Variants in DLG2 observed in about 807,000 individuals in gnomAD.
DLG2 encodes the protein disks large homolog 2.
A neutral mutation model predicts 132.5 loss-of-function variants in DLG2; 45 were observed. That is an observed-to-expected ratio of 0.34 (90% CI 0.27 to 0.44). The LOEUF is 0.44. Among genes scored for constraint, DLG2 ranks in the 20% least tolerant of loss-of-function variants. The pLI, the probability that DLG2 is intolerant of heterozygous loss-of-function variation, is 1.00. For synonymous variants in DLG2, 424 were observed against 419.6 expected (o/e 1.01, Z -0.13); for missense variants, 1,045 against 1,196.9 (o/e 0.87, Z 1.87).
intron 3 of DLG2, among the ~76,000 whole-genome samples, chr11:85,563,162 C>G (rs191655726): frequency 1.3e-5 from 2 of 151,838 alleles, no homozygotes; most frequent in East Asian, 3.9e-4. Context: ...TAAACTTGAG[C>G]AAGCAGCTTT....
intron 6 of DLG2, among the ~76,000 whole-genome samples, chr11:84,681,883 C>T (rs2099731041): frequency 6.6e-6 from 1 of 151,534 alleles, no homozygotes; most frequent in Non-Finnish European, 1.5e-5. Context: ...GACTTTGATG[C>T]AGAACATTTA....
chr11:83,592,682 A>G (rs1292152873), intron 19 of DLG2, among the ~76,000 whole-genome samples: 2 of 149,522 alleles, frequency 1.3e-5, no homozygotes, highest in Non-Finnish European at 3.0e-5. Flanking sequence ...ACAGCAAAAG[A>G]AACTACCATC....
intron 3 of DLG2, among the ~76,000 whole-genome samples, chr11:85,401,345 A>T (rs574996368): frequency 1.3e-5 from 2 of 152,308 alleles, no homozygotes; most frequent in South Asian, 4.1e-4. Flanking sequence ...ATCTCAAAAT[A>T]ATAAGAGTTA....
chr11:83,552,369 G>T (rs35143095), intron 19 of DLG2, among the ~76,000 whole-genome samples: 7,093 of 152,210 alleles, frequency 0.047, 208 homozygotes, highest in South Asian at 0.12. Context: ...AGGAAAGAGT[G>T]ATCTCAGAGG....
Position 83,790,739 on chromosome 11 carries a change from A to T in DLG2, c.1723-3947T>A, listed in dbSNP as rs1401161974. 5.2e-6 allele frequency: 4 copies of T among 771,166 alleles called. No homozygotes were observed. The East Asian group carries it at 9.7e-5, about 19-fold the overall frequency. The allele number at this position is 771,166 out of a possible 1,614,324, so 47.8% of individuals were successfully genotyped here. A position where few individuals can be genotyped will look rare whatever the true frequency, so the allele number is the denominator to read the frequency against. ...ACAACCCATTCATGGACTGATCCAC[A>T]AAGATCTCTGGGGCAACAACTAGGT... is the stretch of plus-strand genomic sequence containing the variant. On this transcript the variant is annotated intron_variant, in intron 17 of 27. Coordinates refer to ENST00000376104, the MANE Select transcript of DLG2 (RefSeq NM_001142699.3).
chr11:84,714,595 T>TTCTCTTTC lies in DLG2; in HGVS notation c.358-179865_358-179864insGAAAGAGA, dbSNP rs1351118874. Among the ~76,000 whole-genome samples, 40 of 103,912 alleles carry TTCTCTTTC rather than the reference T, an allele frequency of 3.8e-4. 3 individuals carry two copies. Among genetic ancestry groups the TTCTCTTTC allele is most frequent in the East Asian group, 1.5e-3 (4 of 2,654 alleles). The allele number at this position is 103,912 out of a possible 152,430, so 68.2% of individuals were successfully genotyped here. ...TTTCTCTTTCTCTTTCTCTTTCTCT[T>TTCTCTTTC]TCTTTCTCTTTCTCTTTCTCTTTCT... On this transcript the variant is annotated intron_variant, in intron 6 of 27. Coordinates refer to ENST00000376104, the MANE Select transcript of DLG2 (RefSeq NM_001142699.3).
At chr11:83,543,018 T>G (rs2096125154) in intron 19 of DLG2, among the ~76,000 whole-genome samples, 1 of 152,194 alleles carries the variant, frequency 6.6e-6, no homozygotes, top group African/African-American at 2.4e-5. Flanking sequence ...CTTCTTTTTT[T>G]TGCCCATCAA....
intron 4 of DLG2, among the ~76,000 whole-genome samples, chr11:85,278,329 A>G (rs2078019518): frequency 6.6e-6 from 1 of 152,204 alleles, no homozygotes; most frequent in East Asian, 1.9e-4. Context: ...ATCTACCATC[A>G]TGGGTTGCTA....
chr11:83,559,060 A>G (rs984795753), intron 19 of DLG2, among the ~76,000 whole-genome samples: 4 of 152,188 alleles, frequency 2.6e-5, no homozygotes, highest in Admixed American at 6.5e-5. Flanking sequence ...ATGGGGAACC[A>G]GACAAGGCTT....
At position 83,934,813 on chromosome 11, in the gene DLG2, C is replaced by T. The variant is rs554557153; in HGVS notation, c.1341-4330G>A. On this transcript the variant is annotated intron_variant, in intron 14 of 27. Transcript: ENST00000376104. ...GACCAAATCTCATGTGTCTTTGTTT[C>T]CCCATTACTTTCCTCAATGCAAGAA... 1.9e-4 allele frequency among the ~76,000 whole-genome samples: 29 copies of T among 152,228 alleles called. 1 individual carries two copies. Among genetic ancestry groups the T allele is most frequent in the Admixed American group, 9.8e-4 (15 of 15,292 alleles).
intron 8 of DLG2, among the ~76,000 whole-genome samples, chr11:84,166,673 T>C (rs186630136): frequency 2.6e-5 from 4 of 152,278 alleles, no homozygotes; most frequent in African/African-American, 9.6e-5. Context: ...CTACAGTGGT[T>C]GCTTACTGAG....
chr11:84,761,097 T>A (rs2067567676), intron 6 of DLG2, among the ~76,000 whole-genome samples: 1 of 152,134 alleles, frequency 6.6e-6, no homozygotes, highest in Non-Finnish European at 1.5e-5. Flanking sequence ...CTGATTAACA[T>A]ACAAGGTGTC....
intron 21 of DLG2, among the ~76,000 whole-genome samples, chr11:83,523,689 GA>G (rs2095538423): frequency 6.6e-6 from 1 of 152,166 alleles, no homozygotes; most frequent in Non-Finnish European, 1.5e-5. Flanking sequence ...CAGATGTTCA[GA>G]ATAACTGGTA....
chr11:84,327,787 T>TTACTTATGGTTATTTTTA (rs1555507412), intron 7 of DLG2, among the ~76,000 whole-genome samples: 1 of 152,242 alleles, frequency 6.6e-6, no homozygotes, highest in Non-Finnish European at 1.5e-5. Context: ...AACTTATTTT[T>TTACTTATGGTTATTTTTA]TACTTATGGT....
At position 83,516,410 on chromosome 11, in the gene DLG2, A is replaced by C. The variant is rs577952756; in HGVS notation, c.2193+16298T>G. On this transcript the variant is annotated intron_variant, in intron 21 of 27. Transcript: ENST00000376104. Reference sequence around the variant, plus strand: ...TCCTCCATCCCTTTATTTTGAGCCTATGTGTGTCTCTGCACATAAGATGGG... The same window carrying C: ...TCCTCCATCCCTTTATTTTGAGCCTCTGTGTGTCTCTGCACATAAGATGGG... Among the ~76,000 whole-genome samples the C allele has an allele frequency of 1.2e-4, 19 of 152,222 alleles. No homozygotes were observed. In the South Asian group the frequency reaches 3.9e-3, roughly 32 times the overall value.
At chr11:84,459,108 A>C (rs566907240) in intron 7 of DLG2, among the ~76,000 whole-genome samples, 1 of 150,508 alleles carries the variant, frequency 6.6e-6, no homozygotes, top group Admixed American at 6.6e-5. Flanking sequence ...TATGACATGG[A>C]TCTAACAATT....
At chr11:84,666,376 A>T (rs898668281) in intron 6 of DLG2, among the ~76,000 whole-genome samples, 9 of 152,160 alleles carry the variant, frequency 5.9e-5, no homozygotes, top group African/African-American at 1.7e-4. Context: ...TTGGACTGGA[A>T]CTGAGACATT....
intron 6 of DLG2, among the ~76,000 whole-genome samples, chr11:84,927,739 T>G (rs1210101766): frequency 1.3e-5 from 2 of 152,066 alleles, no homozygotes; most frequent in East Asian, 1.9e-4. Flanking sequence ...TGATGATGAT[T>G]ATTTTAACCA....
intron 6 of DLG2, among the ~76,000 whole-genome samples, chr11:84,749,301 G>A (rs2065796751): frequency 6.6e-6 from 1 of 152,054 alleles, no homozygotes; most frequent in African/African-American, 2.4e-5. Flanking sequence ...ATCAAATCAA[G>A]GAACAGACCT....
Sources: gnomAD v4.1 joint callset for allele counts (sites outside exome capture counted in the v4.1 genomes callset) on GRCh38, gnomAD v4.1.1 for gene constraint, MANE v1.5 for transcripts, NCBI Gene and HGNC (gene_info 2026-07-23, HGNC 2026-07-21) for gene names.